Variants in THOC2 observed in about 807,000 individuals in gnomAD.
THOC2 encodes THO complex subunit 2, also known as THO complex 2.
In THOC2, 10 loss-of-function variants were observed where a neutral mutation model predicts 128.4. That is an observed-to-expected ratio of 0.08 (90% CI 0.05 to 0.13). The LOEUF (loss-of-function observed/expected upper bound fraction) is 0.13. THOC2 is among the 10% of genes least tolerant of loss of function. The pLI, the probability that THOC2 is intolerant of heterozygous loss-of-function variation, is 1.00. For synonymous variants in THOC2, 393 were observed against 396.9 expected, an observed-to-expected ratio of 0.99 and a Z score of 0.12; for missense variants, 535 against 1,155.7, an observed-to-expected ratio of 0.46 and a Z score of 7.79.
intron 38 of THOC2, among the ~76,000 whole-genome samples, chrX:123,606,783 T>C (rs1470268440): frequency 4.5e-5 from 5 of 111,615 alleles, no homozygotes; most frequent in African/African-American, 1.6e-4. Flanking sequence ...AGAATAGGAA[T>C]GTAGTAGATT....
intron 3 of THOC2, among the ~76,000 whole-genome samples, chrX:123,706,006 C>G: frequency 9.0e-6 from 1 of 111,460 alleles, no homozygotes. Flanking sequence ...TCAAGCTTAA[C>G]TACTGGTTTA....
chrX:123,673,367 A>C (rs777164874), intron 8 of THOC2, among the ~76,000 whole-genome samples: 2 of 112,130 alleles, frequency 1.8e-5, no homozygotes, highest in African/African-American at 3.2e-5. Flanking sequence ...TGTAAAAATA[A>C]ATGCTTATAA....
At chrX:123,646,341 A>C (rs1313423415) in intron 12 of THOC2, among the ~76,000 whole-genome samples, 1 of 112,458 alleles carries the variant, frequency 8.9e-6, no homozygotes, top group African/African-American at 3.2e-5. Flanking sequence ...ACTTGTGTGA[A>C]TATAAACAGA....
intron 4 of THOC2, among the ~76,000 whole-genome samples, chrX:123,701,226 C>T (rs985672665): frequency 2.7e-5 from 3 of 111,667 alleles, no homozygotes; most frequent in South Asian, 3.7e-4. Context: ...CGTGGTGGCA[C>T]GCGCCTGTAA....
At chrX:123,613,733 A>G (rs937308912) in intron 34 of THOC2, 25 bp from the exon 35 acceptor site, 7 of 1,187,429 alleles carry the variant, frequency 5.9e-6, no homozygotes, top group Non-Finnish European at 6.9e-6. Context: ...TGTGAACTAC[A>G]TTGACCAAGG....
chrX:123,638,727 TACACAC>T (rs753366301), intron 17 of THOC2, among the ~76,000 whole-genome samples: 9 of 81,407 alleles, frequency 1.1e-4, no homozygotes, highest in Admixed American at 1.3e-4. Context: ...GACACACACG[TACACAC>T]ACACACACAC....
intron 7 of THOC2, among the ~76,000 whole-genome samples, chrX:123,688,693 G>A (rs1359202963): frequency 1.8e-5 from 2 of 110,940 alleles, no homozygotes; most frequent in African/African-American, 3.3e-5. Flanking sequence ...AATTGAGGGG[G>A]AATGGGAGAA....
intron 12 of THOC2, among the ~76,000 whole-genome samples, chrX:123,645,708 T>G (rs2048094570): frequency 8.9e-6 from 1 of 112,784 alleles, no homozygotes; most frequent in Admixed American, 9.4e-5. Flanking sequence ...ACGCCTGTAA[T>G]CCCAGCACTT....
rs371969107 is a variant in THOC2, at chrX:123,715,844, T to A, written c.72-2936A>T. 1.8e-3 allele frequency among the ~76,000 whole-genome samples: 196 copies of A among 109,296 alleles called. 1 individual carries two copies. Among genetic ancestry groups the A allele is most frequent in the African/African-American group, 6.2e-3 (186 of 30,123 alleles). The allele number at this position is 109,296 out of a possible 115,157, so 94.9% of individuals were successfully genotyped here. A position where few individuals can be genotyped will look rare whatever the true frequency, so the allele number is the denominator to read the frequency against. On this transcript the variant is annotated intron_variant, in intron 1 of 38. Coordinates refer to ENST00000245838, the MANE Select transcript of THOC2 (RefSeq NM_001081550.2). ...AATCAATAAAATTAAGAGTTTTTTT[T>A]AAAAAAAGATCAACAAAACTGACAA...
At position 123,638,959 on chromosome X, in the gene THOC2, A is replaced by G; in HGVS notation, c.1815T>C (p.Thr605=). 1 of 1,174,704 alleles carries G rather than the reference A, an allele frequency of 8.5e-7. No individual in the cohort carries two copies. Among genetic ancestry groups the G allele is most frequent in the Non-Finnish European group, 1.2e-6 (1 of 866,616 alleles). The change falls in exon 17 of 39, where the codon ACT becomes ACC. Residue 605 remains threonine, a synonymous_variant. Transcript: ENST00000245838. ...TPVVDSLKYL[T]SLNYDVLAYC... ...AGGCCAAGACATCATAATTCAGTGA[A>G]GTGAGGTATTTCAATGAATCTACTA...
At chrX:123,698,445 G>A (rs190226311) in intron 4 of THOC2, among the ~76,000 whole-genome samples, 3,350 of 88,268 alleles carry the variant, frequency 0.038, 196 homozygotes, top group African/African-American at 0.14. Context: ...GCAACAGAGC[G>A]AGACTCTGTC....
chrX:123,698,089 T>TAAA (rs745532091), intron 4 of THOC2, among the ~76,000 whole-genome samples: 1 of 85,389 alleles, frequency 1.2e-5, no homozygotes, highest in Admixed American at 1.3e-4. Flanking sequence ...TCAGAGATGC[T>TAAA]AAAAAAAAAA....
intron 12 of THOC2, among the ~76,000 whole-genome samples, chrX:123,660,965 C>A (rs1230465701): frequency 8.9e-6 from 1 of 111,841 alleles, no homozygotes; most frequent in East Asian, 2.8e-4. Context: ...TATATATACA[C>A]AATGGAATAC....
At chrX:123,653,202 G>A (rs1462845634) in intron 12 of THOC2, among the ~76,000 whole-genome samples, 1 of 112,000 alleles carries the variant, frequency 8.9e-6, no homozygotes, top group Non-Finnish European at 1.9e-5. Flanking sequence ...AATGGTGTTG[G>A]AAAACTGGCT....
At chrX:123,730,146 T>G (rs1255263747) in intron 1 of THOC2, among the ~76,000 whole-genome samples, 1 of 110,189 alleles carries the variant, frequency 9.1e-6, no homozygotes, top group Non-Finnish European at 1.9e-5. Context: ...CAGGTTTTTT[T>G]GCTGTTGTTT....
chrX:123,635,413 G>A (rs1241813363), intron 19 of THOC2, among the ~76,000 whole-genome samples: 1 of 111,413 alleles, frequency 9.0e-6, no homozygotes, highest in African/African-American at 3.3e-5. Flanking sequence ...TACTTGTTTG[G>A]AACACCAAGT....
intron 9 of THOC2, 33 bp downstream of exon 9, chrX:123,671,636 A>G (rs372807087): frequency 9.2e-5 from 87 of 945,700 alleles, no homozygotes; most frequent in Admixed American, 1.6e-4. Flanking sequence ...TGGGACAGAC[A>G]ATCAAGTATT....
At position 123,733,042 on chromosome X, in the gene THOC2, G is replaced by A; in HGVS notation, c.-20C>T. 1.7e-6 allele frequency: 2 copies of A among 1,206,214 alleles called. No individual in the cohort carries two copies. Among genetic ancestry groups the A allele is most frequent in the Non-Finnish European group, 2.2e-6 (2 of 890,338 alleles). On this transcript the variant is annotated 5_prime_UTR_variant, in exon 1 of 39. Transcript: ENST00000245838. ...CGCCATCTTCCTCTCACTAGTAGCA[G>A]AAGCCCGGATGTGTAGCACGCGAGC...
intron 8 of THOC2, among the ~76,000 whole-genome samples, chrX:123,675,424 T>C (rs1162706341): frequency 1.8e-5 from 2 of 110,956 alleles, no homozygotes; most frequent in South Asian, 7.7e-4. Flanking sequence ...GCAGATCAAC[T>C]GAGGTCAGGA....
Sources: allele counts gnomAD v4.1 joint callset (sites outside exome capture counted in the v4.1 genomes callset), GRCh38; gene constraint gnomAD v4.1.1; transcripts MANE v1.5; gene names NCBI Gene and HGNC (gene_info 2026-07-23, HGNC 2026-07-21).